Variants in CCDC158 observed in about 807,000 individuals in gnomAD.
CCDC158 encodes the protein coiled-coil domain-containing protein 158.
In CCDC158, 116 loss-of-function variants were observed where a neutral mutation model predicts 138.6. That is an observed-to-expected ratio of 0.84 (90% CI 0.72 to 0.98). CCDC158 has a LOEUF of 0.98. Among genes scored for constraint, CCDC158 ranks in the 50% least tolerant of loss-of-function variants. The pLI is 0.00. For missense variants in CCDC158, 1,265 were observed against 1,306.1 expected, an observed-to-expected ratio of 0.97 and a Z score of 0.48; for synonymous variants, 436 against 442.4, an observed-to-expected ratio of 0.99 and a Z score of 0.18.
chr4:76,399,212 T>C (rs1359810138), intron 3 of CCDC158, among the ~76,000 whole-genome samples: 1 of 152,142 alleles, frequency 6.6e-6, no homozygotes. Context: ...CTGGAGGGTA[T>C]ATAAGATGTT....
chr4:76,353,025 T>C, intron 16 of CCDC158, 98 bp downstream of exon 16: 2 of 949,728 alleles, frequency 2.1e-6, no homozygotes, highest in Non-Finnish European at 3.1e-6. Flanking sequence ...AATTGATACA[T>C]TCAGTTCCTG....
intron 3 of CCDC158, chr4:76,401,326 G>A (rs1728368868): frequency 2.0e-6 from 1 of 509,288 alleles, no homozygotes. Context: ...AAGTGACACA[G>A]TACAAGAAGG....
At position 76,389,414 on chromosome 4, in the gene CCDC158, G is replaced by C. The variant is rs1727108564; in HGVS notation, c.289-4749C>G. 2.6e-5 allele frequency among the ~76,000 whole-genome samples: 4 copies of C among 151,978 alleles called. No individual in the cohort carries two copies. In the South Asian group the frequency reaches 8.3e-4, roughly 31 times the overall value. On this transcript the variant is annotated intron_variant, in intron 4 of 24. Coordinates refer to ENST00000682701, the MANE Select transcript of CCDC158 (RefSeq NM_001394954.1). ...CAGGGTATTTGAAAATATACAGTCA[G>C]AGGAAACAAAAGAAAAAAGAAAAGA...
rs879722980 is a variant in CCDC158 at position 76,323,152 on chromosome 4, A to C, written c.3277+150T>G. The stretch of plus-strand genomic sequence containing the variant: ...TGGTCACACAATTAATCCAGGGGCT[A>C]TTAATGGTTAAGACCCTTATATTTA... On this transcript the variant is annotated intron_variant, in intron 24 of 24. Coordinates refer to ENST00000682701, the MANE Select transcript of CCDC158 (RefSeq NM_001394954.1). 11 of 529,182 alleles carry C rather than the reference A, an allele frequency of 2.1e-5. No homozygotes were observed. In the Admixed American group the frequency reaches 3.7e-4, roughly 18 times the overall value. The allele number at this position is 529,182 out of a possible 1,614,324, so 32.8% of individuals were successfully genotyped here.
rs760978403 is a variant in CCDC158, at chr4:76,353,182, G to A, written c.2386C>T (p.Arg796Ter). 54 of 1,613,500 alleles carry A rather than the reference G, an allele frequency of 3.3e-5. No homozygotes were observed. Among genetic ancestry groups the A allele is most frequent in the Non-Finnish European group, 4.2e-5 (50 of 1,179,784 alleles). The change falls in exon 16 of 25, where the codon CGA becomes TGA. Residue 796 changes from arginine (R) to a stop codon, truncating the protein, a stop_gained. Transcript: ENST00000682701. LOFTEE classifies it high-confidence loss of function. ...NKMAGELEVL[R>*]SQERRLKEKV... ...TCTTTCAAACGGCGTTCCTGAGATCGCAGAACTTCCAACTCCCCAGCCATC... is the reference window on the plus strand; with the variant it reads ...TCTTTCAAACGGCGTTCCTGAGATCACAGAACTTCCAACTCCCCAGCCATC...
intron 13 of CCDC158, among the ~76,000 whole-genome samples, chr4:76,357,781 T>C (rs1044716217): frequency 6.6e-5 from 10 of 152,130 alleles, no homozygotes; most frequent in Non-Finnish European, 1.5e-4. Context: ...CCAAACATTA[T>C]AATTAGTTTG....
chr4:76,325,589 T>G (rs568309022), intron 23 of CCDC158, among the ~76,000 whole-genome samples: 1 of 152,278 alleles, frequency 6.6e-6, no homozygotes, highest in Admixed American at 6.5e-5. Flanking sequence ...TCCAAAATCT[T>G]TTAATAAAAT....
rs1329183647 is a variant in CCDC158 at position 76,384,329 on chromosome 4, T to G, written c.485A>C (p.Glu162Ala). ...TGTGTTGCTGTCTTTCAGCATGTCC[T>G]CTTTAAGGCATTTGGCAGCTTCAAG... Reference protein sequence around the residue: ...HELEAAKCLKEDMLKDSNTQI... With the variant: ...HELEAAKCLKADMLKDSNTQI... Residue 162 changes from glutamate (E) to alanine (A), a missense_variant, in exon 6 of 25, where the codon GAG (glutamate) becomes GCG (alanine). Coordinates refer to ENST00000682701, the MANE Select transcript of CCDC158 (RefSeq NM_001394954.1). 6.2e-7 allele frequency: 1 copy of G among 1,614,158 alleles called. No individual in the cohort carries two copies. Among genetic ancestry groups the G allele is most frequent in the Non-Finnish European group, 8.5e-7 (1 of 1,179,998 alleles).
intron 14 of CCDC158, among the ~76,000 whole-genome samples, chr4:76,356,187 G>A (rs1723543409): frequency 6.6e-6 from 1 of 152,032 alleles, no homozygotes; most frequent in Non-Finnish European, 1.5e-5. Context: ...AGAATGAAAG[G>A]TCTGACTTCT....
At chr4:76,326,293 C>A (rs987239799) in intron 22 of CCDC158, among the ~76,000 whole-genome samples, 5 of 152,100 alleles carry the variant, frequency 3.3e-5, no homozygotes, top group African/African-American at 1.2e-4. Flanking sequence ...TAGTTGTCTA[C>A]CAAATGCAAG....
chr4:76,351,051 G>GT lies in CCDC158; in HGVS notation c.2608dup (p.Thr870AsnfsTer6), dbSNP rs1345478290. 6.2e-7 allele frequency: 1 copy of GT among 1,613,960 alleles called. No individual in the cohort carries two copies. Among genetic ancestry groups the GT allele is most frequent in the Non-Finnish European group, 8.5e-7 (1 of 1,179,884 alleles). The stretch of plus-strand genomic sequence containing the variant: ...AGATGGTACATTAGAATGAGAACGA[G>GT]TAACAGATGCTGGCTGGAGAAGGCG... On this transcript the variant is annotated frameshift_variant, in exon 18 of 25. Transcript: ENST00000682701. LOFTEE classifies it high-confidence loss of function.
At chr4:76,324,002 C>A (rs1344199933) in intron 23 of CCDC158, among the ~76,000 whole-genome samples, 1 of 152,160 alleles carries the variant, frequency 6.6e-6, no homozygotes, top group Non-Finnish European at 1.5e-5. Flanking sequence ...GTTTTGTCAA[C>A]CTCTAAAAGT....
At chr4:76,373,133 G>A (rs976733037) in intron 9 of CCDC158, among the ~76,000 whole-genome samples, 9 of 152,206 alleles carry the variant, frequency 5.9e-5, no homozygotes, top group African/African-American at 2.2e-4. Context: ...ACAGGCGTGA[G>A]CCACCGCGCC....
chr4:76,411,391 C>T (rs552272505), intron 2 of CCDC158, among the ~76,000 whole-genome samples: 2 of 152,146 alleles, frequency 1.3e-5, no homozygotes, highest in Admixed American at 1.3e-4. Flanking sequence ...CAGAGCAAGA[C>T]TCCATCTCAA....
Position 76,379,406 on chromosome 4 carries a change from T to C in CCDC158, c.915-2A>G. ...GAGTTTTGGTTTCTTGCTTGCTCTC[T>C]AAGAAGAGTTTAGAAGGGGAATAAG... On this transcript the variant is annotated splice_acceptor_variant, in intron 8 of 24. Transcript: ENST00000682701. LOFTEE classifies it high-confidence loss of function. The C allele has an allele frequency of 6.3e-7, 1 of 1,578,944 alleles. No individual in the cohort carries two copies. Among genetic ancestry groups the C allele is most frequent in the South Asian group, 1.2e-5 (1 of 85,248 alleles).
intron 9 of CCDC158, 96 bp downstream of exon 9, chr4:76,379,194 A>C (rs1158314142): frequency 5.6e-5 from 33 of 585,000 alleles, no homozygotes; most frequent in Non-Finnish European, 8.1e-5. Flanking sequence ...ATTTGAAATT[A>C]CTTTGATTCC....
intron 17 of CCDC158, 101 bp downstream of exon 17, chr4:76,351,619 G>A (rs1723048268): frequency 1.4e-6 from 1 of 694,292 alleles, no homozygotes; most frequent in South Asian, 1.7e-5. Flanking sequence ...AAGTAATGTT[G>A]AAATATACTT....
chr4:76,367,851 C>A, intron 11 of CCDC158, 75 bp from the exon 12 acceptor site: 6 of 1,359,698 alleles, frequency 4.4e-6, no homozygotes, highest in Non-Finnish European at 5.9e-6. Flanking sequence ...TACAAGTTAA[C>A]TTAAAAGCAT....
Position 76,384,218 on chromosome 4 carries a change from G to T in CCDC158, c.596C>A (p.Ala199Asp), listed in dbSNP as rs959164671. 6.2e-7 allele frequency: 1 copy of T among 1,613,712 alleles called. No individual in the cohort carries two copies. ...ATGTTCACATATTTTTTTGCCTGAG[G>T]CTTCTTCAAAGTCAACTAGGATTGA... is the stretch of plus-strand genomic sequence containing the variant. ...IRSILVDFEE[A>D]SGKKICEHDS... Residue 199 changes from alanine (A) to aspartate (D), a missense_variant, in exon 6 of 25, where the codon GCC (alanine) becomes GAC (aspartate). Transcript: ENST00000682701.
Sources: allele counts gnomAD v4.1 joint callset (sites outside exome capture counted in the v4.1 genomes callset), GRCh38; gene constraint gnomAD v4.1.1; transcripts MANE v1.5; gene names NCBI Gene and HGNC (gene_info 2026-07-23, HGNC 2026-07-21).